The following SLC6A15 variants were observed in gnomAD, a reference collection of about 807,000 sequenced individuals.
The protein encoded by SLC6A15 is sodium-dependent neutral amino acid transporter B(0)AT2.
SLC6A15 carries 33 observed loss-of-function variants against 68.5 expected under a neutral mutation model. The ratio of observed to expected loss-of-function variants is 0.48; its 90% CI spans 0.37 to 0.64. The LOEUF (loss-of-function observed/expected upper bound fraction) is 0.64. Among genes scored for constraint, SLC6A15 ranks in the 30% least tolerant of loss-of-function variants. The pLI is 0.00. For missense variants in SLC6A15, 747 were observed against 874.3 expected (o/e 0.85, Z 1.84); for synonymous variants, 347 against 301.0 (o/e 1.15, Z -1.58).
In SLC6A15 at chr12:84,895,339, A is replaced by ATTTTTTTTTTTTTTTTTT. The variant is rs67339994; in HGVS notation, c.-188-3049_-188-3032dup. On this transcript the variant is annotated intron_variant, in intron 1 of 11. Coordinates refer to ENST00000266682, the MANE Select transcript of SLC6A15 (RefSeq NM_182767.6). ...CTTAGATGTTTTCATTTTTGTTTGTATTTTTTTTTTTTTTTTTTTTTTTTT... is the reference window on the plus strand; with the variant it reads ...CTTAGATGTTTTCATTTTTGTTTGTATTTTTTTTTTTTTTTTTTTTTTTTTTTTTTTTTTTTTTTTTTT... 1.8e-4 allele frequency among the ~76,000 whole-genome samples: 10 copies of ATTTTTTTTTTTTTTTTTT among 54,784 alleles called. 1 individual carries two copies. Among genetic ancestry groups the ATTTTTTTTTTTTTTTTTT allele is most frequent in the African/African-American group, 4.7e-4 (7 of 14,842 alleles). The allele number at this position is 54,784 out of a possible 152,430, so 35.9% of individuals were successfully genotyped here. A position where few individuals can be genotyped will look rare whatever the true frequency, so the allele number is the denominator to read the frequency against.
chr12:84,891,576 T>C (rs1872392733), intron 2 of SLC6A15, among the ~76,000 whole-genome samples: 1 of 152,146 alleles, frequency 6.6e-6, no homozygotes, highest in Non-Finnish European at 1.5e-5. Flanking sequence ...AGTTGTTTAA[T>C]AAGCTTCCGG....
At chr12:84,881,709 C>G (rs1271596829) in intron 5 of SLC6A15, 1 of 921,706 alleles carries the variant, frequency 1.1e-6, no homozygotes, top group African/African-American at 1.8e-5. Context: ...ATGTGCTAGC[C>G]TTAAACAATA....
chr12:84,861,613 C>G lies in SLC6A15; in HGVS notation c.*19G>C, dbSNP rs777577263. The G allele has an allele frequency of 6.4e-7, 1 of 1,572,562 alleles. No individual in the cohort carries two copies. The highest frequency in any genetic ancestry group is 1.8e-5 in the Admixed American group (1 of 56,222). On this transcript the variant is annotated 3_prime_UTR_variant, in exon 12 of 12. Coordinates refer to ENST00000266682, the MANE Select transcript of SLC6A15 (RefSeq NM_182767.6). Reference sequence around the variant, plus strand: ...TTGGTAAAAATGAACCAAATAAAACCCACTGACTTTTCCCCCAGCTACAAA... The same window carrying G: ...TTGGTAAAAATGAACCAAATAAAACGCACTGACTTTTCCCCCAGCTACAAA...
chr12:84,861,866 T>A lies in SLC6A15; in HGVS notation c.1959A>T (p.Ala653=), dbSNP rs750174715. The A allele has an allele frequency of 6.2e-7, 1 of 1,613,978 alleles. No individual in the cohort carries two copies. The highest frequency in any genetic ancestry group is 1.1e-5 in the South Asian group (1 of 91,078). ...NLIDDSSGNL[A]SVTYKRGRVL... The stretch of plus-strand genomic sequence containing the variant: ...CCCTTCCTCTCTTATAGGTCACAGA[T>A]GCTAAATTACCAGAACTATCATCTA... Residue 653 remains alanine, a synonymous_variant, in exon 12 of 12, where the codon GCA becomes GCT. Coordinates refer to ENST00000266682, the MANE Select transcript of SLC6A15 (RefSeq NM_182767.6).
In SLC6A15 at chr12:84,872,788, T is replaced by C; in HGVS notation, c.1116A>G (p.Ser372=). The stretch of plus-strand genomic sequence containing the variant: ...TTTTCAAAAATTTCATGATCGTCTC[T>C]GAATTTCTGAAAAATAAAACAACAT... ...VINEKCITQN[S]ETIMKFLKMG... is the part of the protein sequence containing the mutation. The change falls in exon 8 of 12, where the codon TCA becomes TCG. Residue 372 remains serine (S), a synonymous_variant. Transcript: ENST00000266682. 6.3e-7 allele frequency: 1 copy of C among 1,598,686 alleles called. No individual in the cohort carries two copies. Among genetic ancestry groups the C allele is most frequent in the Non-Finnish European group, 8.5e-7 (1 of 1,175,354 alleles).
At chr12:84,910,939 GT>G (rs1873413170) in intron 1 of SLC6A15, among the ~76,000 whole-genome samples, 5 of 141,250 alleles carry the variant, frequency 3.5e-5, no homozygotes, top group Non-Finnish European at 7.4e-5. Context: ...GTGTGTGTGT[GT>G]GTGTGTGTGT....
At chr12:84,904,385 C>A (rs771576116) in intron 1 of SLC6A15, among the ~76,000 whole-genome samples, 2 of 152,090 alleles carry the variant, frequency 1.3e-5, no homozygotes, top group Non-Finnish European at 2.9e-5. Context: ...GCCCAACCAC[C>A]CCACAGAAGA....
intron 6 of SLC6A15, among the ~76,000 whole-genome samples, chr12:84,875,459 G>C (rs926154226): frequency 2.0e-5 from 3 of 151,684 alleles, no homozygotes; most frequent in Non-Finnish European, 4.4e-5. Context: ...TATCAAGGCA[G>C]CCGCCAGGAG....
intron 1 of SLC6A15, among the ~76,000 whole-genome samples, chr12:84,908,420 AG>A (rs1420956060): frequency 1.3e-5 from 2 of 151,880 alleles, no homozygotes; most frequent in African/African-American, 2.4e-5. Flanking sequence ...AACAAAAATC[AG>A]GGGGTCGTCA....
intron 11 of SLC6A15, among the ~76,000 whole-genome samples, chr12:84,862,823 G>A (rs557172102): frequency 4.6e-5 from 7 of 152,144 alleles, no homozygotes; most frequent in African/African-American, 1.7e-4. Context: ...ATAGTGACTT[G>A]CTTTGTCACA....
intron 1 of SLC6A15, among the ~76,000 whole-genome samples, chr12:84,908,982 T>C (rs993196149): frequency 6.6e-6 from 1 of 152,160 alleles, no homozygotes; most frequent in Non-Finnish European, 1.5e-5. Context: ...GCTACTACAA[T>C]GTTCCAACAA....
chr12:84,907,236 T>C (rs1253530785), intron 1 of SLC6A15, among the ~76,000 whole-genome samples: 1 of 151,846 alleles, frequency 6.6e-6, no homozygotes, highest in Non-Finnish European at 1.5e-5. Flanking sequence ...TAGTCCAAGC[T>C]ACTTGGGAGG....
At chr12:84,863,668 T>G (rs1223401347) in intron 10 of SLC6A15, 67 bp from the exon 11 acceptor site, 7 of 1,155,250 alleles carry the variant, frequency 6.1e-6, no homozygotes, top group Middle Eastern at 6.1e-4. Context: ...AAATGTGCAT[T>G]ATATTAATGG....
At chr12:84,879,677 A>G (rs559179237) in intron 5 of SLC6A15, among the ~76,000 whole-genome samples, 2 of 152,014 alleles carry the variant, frequency 1.3e-5, no homozygotes, top group African/African-American at 4.8e-5. Flanking sequence ...TGTTCTAATC[A>G]TCATTACAAT....
Position 84,872,662 on chromosome 12 carries a change from T to C in SLC6A15, c.1242A>G (p.Lys414=). Residue 414 remains lysine, a synonymous_variant, in exon 8 of 12, where the codon AAA becomes AAG. Transcript: ENST00000266682. ...HLVYDIIQKV[K]EEEFPALHLN... is the part of the protein sequence containing the mutation. Reference sequence around the variant, plus strand: ...GATGAAGAGCAGGAAACTCTTCTTCTTTCACTTTTTGAATGATGTCATAAA... The same window carrying C: ...GATGAAGAGCAGGAAACTCTTCTTCCTTCACTTTTTGAATGATGTCATAAA... The C allele has an allele frequency of 6.2e-7, 1 of 1,612,028 alleles. No individual in the cohort carries two copies. The highest frequency in any genetic ancestry group is 8.5e-7 in the Non-Finnish European group (1 of 1,179,564).
chr12:84,881,229 A>C (rs1406748950), intron 5 of SLC6A15: 2 of 158,538 alleles, frequency 1.3e-5, no homozygotes, highest in Admixed American at 1.3e-4. Context: ...CCTCTGTGTG[A>C]CCACCTCCAG....
Position 84,885,079 on chromosome 12 carries a change from A to G in SLC6A15, c.574+356T>C, listed in dbSNP as rs527754787. On this transcript the variant is annotated intron_variant, in intron 4 of 11. Coordinates refer to ENST00000266682, the MANE Select transcript of SLC6A15 (RefSeq NM_182767.6). ...CAGAACCAAAGACATAAAAGCAACT[A>G]TTTTCATTCAAATTCTTATTTCTGT... 2.1e-3 allele frequency among the ~76,000 whole-genome samples: 318 copies of G among 152,048 alleles called. 2 individuals are homozygous for G. The highest frequency in any genetic ancestry group is 7.0e-3 in the African/African-American group (289 of 41,522).
At chr12:84,879,514 C>T (rs1871722624) in intron 5 of SLC6A15, among the ~76,000 whole-genome samples, 2 of 151,542 alleles carry the variant, frequency 1.3e-5, no homozygotes, top group Non-Finnish European at 1.5e-5. Context: ...TTAGTAGAGA[C>T]GGAGTTTCAC....
intron 1 of SLC6A15, among the ~76,000 whole-genome samples, chr12:84,894,243 T>G (rs1872541157): frequency 6.6e-6 from 1 of 152,152 alleles, no homozygotes; most frequent in Non-Finnish European, 1.5e-5. Context: ...AAATTGTGAT[T>G]TGTAAGACAT....
Sources: allele counts gnomAD v4.1 joint callset (sites outside exome capture counted in the v4.1 genomes callset), GRCh38; gene constraint gnomAD v4.1.1; transcripts MANE v1.5; gene names NCBI Gene and HGNC (gene_info 2026-07-23, HGNC 2026-07-21).